Variants in NXF1 observed in about 807,000 individuals in gnomAD.
NXF1 encodes the protein mRNA export factor TAP.
In NXF1, 43 loss-of-function variants were observed where a neutral mutation model predicts 92.4. The observed-to-expected ratio is 0.47, with a 90% CI of 0.36 to 0.60. The LOEUF (loss-of-function observed/expected upper bound fraction) is 0.60. Ranked by LOEUF, NXF1 falls within the 20% of genes least tolerant of loss-of-function variation. The probability of loss-of-function intolerance (pLI) is 0.00; values close to 1 mark genes in which losing one functional copy is unlikely to be tolerated. For synonymous variants in NXF1, 288 were observed against 292.2 expected, an observed-to-expected ratio of 0.99 and a Z score of 0.15; for missense variants, 576 against 793.0, an observed-to-expected ratio of 0.73 and a Z score of 3.29.
intron 10 of NXF1, chr11:62,799,437 G>A (rs757757070): frequency 1.2e-4 from 114 of 985,600 alleles, no homozygotes; most frequent in Non-Finnish European, 1.4e-4. Flanking sequence ...AGGTGTGAGG[G>A]TTCAGGCCCC....
intron 9 of NXF1, 87 bp from the exon 10 acceptor site, chr11:62,800,573 C>A: frequency 2.7e-6 from 2 of 750,500 alleles, no homozygotes; most frequent in Non-Finnish European, 4.3e-6. Context: ...ACGCTTAGCT[C>A]TGAGATCTTT....
chr11:62,798,693 A>C, intron 10 of NXF1, 118 bp from the exon 11 acceptor site: 10 of 1,516,152 alleles, frequency 6.6e-6, no homozygotes, highest in South Asian at 3.9e-5. Flanking sequence ...TCATCCCTCC[A>C]CTCCCTCCCA....
chr11:62,800,608 T>C, intron 9 of NXF1, 122 bp from the exon 10 acceptor site: 1 of 388,054 alleles, frequency 2.6e-6, no homozygotes, highest in South Asian at 5.6e-5. Flanking sequence ...ATTTTTTCTT[T>C]TTTTTTTTTT....
In NXF1 at chr11:62,796,451, G is replaced by C. The variant is rs1565198352; in HGVS notation, c.1286+9C>G. On this transcript the variant is annotated intron_variant, in intron 14 of 20. Coordinates refer to ENST00000294172, the MANE Select transcript of NXF1 (RefSeq NM_006362.5). ...TGGTCCCGGGCAGATTCTGGGATGT[G>C]ATACTAACCGGGCAGGGTTCTGAGG... 8.1e-6 allele frequency: 13 copies of C among 1,613,768 alleles called. No individual in the cohort carries two copies. The highest frequency in any genetic ancestry group is 1.1e-5 in the Non-Finnish European group (13 of 1,179,654).
At position 62,802,073 on chromosome 11, in the gene NXF1, C is replaced by T. The variant is rs374951512; in HGVS notation, c.454-27G>A. ...TACAAGAGGAAACAGGAGCATTACA[C>T]TGGGAGTCCAGAGCCCTTGGGGAGG... On this transcript the variant is annotated intron_variant, in intron 4 of 20. Coordinates refer to ENST00000294172, the MANE Select transcript of NXF1 (RefSeq NM_006362.5). The T allele has an allele frequency of 9.9e-6, 16 of 1,611,658 alleles. No individual in the cohort carries two copies. The African/African-American group carries it at 1.7e-4, about 17-fold the overall frequency.
chr11:62,801,017 C>A, intron 9 of NXF1, 77 bp downstream of exon 9: 1 of 1,089,552 alleles, frequency 9.2e-7, no homozygotes, highest in Non-Finnish European at 1.4e-6. Context: ...TCTCTCTTGC[C>A]TCTTGCCATC....
chr11:62,798,268 AAAT>A (rs757582944), intron 11 of NXF1, among the ~76,000 whole-genome samples: 29 of 151,724 alleles, frequency 1.9e-4, no homozygotes, highest in Non-Finnish European at 3.1e-4. Flanking sequence ...TCTCTACTAA[AAAT>A]ACAAAAATTA....
At chr11:62,800,033 C>T in intron 10 of NXF1, 1 of 1,063,616 alleles carries the variant, frequency 9.4e-7, no homozygotes, top group Non-Finnish European at 1.1e-6. Context: ...GCAACCCCAT[C>T]TATAGGGTAT....
In NXF1 at chr11:62,801,763, C is replaced by T; in HGVS notation, c.615G>A (p.Lys205=). ...CCTTTAGCTGTTCTACTTGTTCTGG[C>T]TTCAGTTCATTCAGTATAGTGTGGG... The part of the protein sequence containing the change: ...APPHTILNEL[K]PEQVEQLKLI... The change falls in exon 6 of 21, where the codon AAG becomes AAA. Residue 205 remains lysine, a synonymous_variant. Coordinates refer to ENST00000294172, the MANE Select transcript of NXF1 (RefSeq NM_006362.5). 1 of 1,613,942 alleles carries T rather than the reference C, an allele frequency of 6.2e-7. No homozygotes were observed. The highest frequency in any genetic ancestry group is 8.5e-7 in the Non-Finnish European group (1 of 1,179,912).
chr11:62,801,232 C>A, intron 8 of NXF1, 31 bp from the exon 9 acceptor site: 2 of 1,608,010 alleles, frequency 1.2e-6, no homozygotes, highest in Non-Finnish European at 1.7e-6. Context: ...AGAGGAGGCA[C>A]CACCAGCAAG....
intron 19 of NXF1, among the ~76,000 whole-genome samples, chr11:62,793,616 G>A (rs1590948299): frequency 6.6e-6 from 1 of 151,958 alleles, no homozygotes; most frequent in East Asian, 1.9e-4. Context: ...AGTTGAGGCT[G>A]CAGTGAACTG....
Position 62,798,391 on chromosome 11 carries a change from G to GC in NXF1, c.1053+147dup, listed in dbSNP as rs1313169756. 5.9e-6 allele frequency: 7 copies of GC among 1,186,844 alleles called. No individual in the cohort carries two copies. The African/African-American group carries it at 1.1e-4, about 19-fold the overall frequency. The allele number at this position is 1,186,844 out of a possible 1,614,324, so 73.5% of individuals were successfully genotyped here. On this transcript the variant is annotated intron_variant, in intron 11 of 20. Transcript: ENST00000294172. ...AGAGGTTGCGGTGAGCTGAAATCAT[G>GC]CTGTTGCACTCCAGCCTGGGCGACG...
rs1171866037 is a variant in NXF1, at chr11:62,802,056, G to A, written c.454-10C>T. 5.0e-6 allele frequency: 8 copies of A among 1,613,420 alleles called. No homozygotes were observed. Among genetic ancestry groups the A allele is most frequent in the Non-Finnish European group, 6.8e-6 (8 of 1,179,300 alleles). On this transcript the variant is annotated splice_polypyrimidine_tract_variant and intron_variant, in intron 4 of 20. Transcript: ENST00000294172. ...TATTCTCATAGTGAAACTACAAGAGGAAACAGGAGCATTACACTGGGAGTC... is the reference window on the plus strand; with the variant it reads ...TATTCTCATAGTGAAACTACAAGAGAAAACAGGAGCATTACACTGGGAGTC...
Position 62,795,193 on chromosome 11 carries a change from T to A in NXF1, c.1505-186A>T. The A allele has an allele frequency of 5.3e-6, 3 of 566,900 alleles. No homozygotes were observed. In the South Asian group the frequency reaches 6.7e-5, roughly 13 times the overall value. The allele number at this position is 566,900 out of a possible 1,614,324, so 35.1% of individuals were successfully genotyped here. On this transcript the variant is annotated intron_variant, in intron 17 of 20. Coordinates refer to ENST00000294172, the MANE Select transcript of NXF1 (RefSeq NM_006362.5). ...GGTCAGAAAGGACAATAGTAATAAC[T>A]ACGGCCGGGCACAGTGTCTCATGCG...
intron 11 of NXF1, among the ~76,000 whole-genome samples, chr11:62,797,875 C>A (rs796650057): frequency 4.6e-5 from 7 of 152,188 alleles, no homozygotes; most frequent in African/African-American, 1.4e-4. Context: ...CACCTGTAAT[C>A]CCAGCACACT....
chr11:62,801,742 T>A lies in NXF1; in HGVS notation c.636A>T (p.Leu212=). 3.7e-6 allele frequency: 6 copies of A among 1,613,634 alleles called. No individual in the cohort carries two copies. Among genetic ancestry groups the A allele is most frequent in the Non-Finnish European group, 5.1e-6 (6 of 1,179,500 alleles). The change falls in exon 6 of 21, where the codon CTA becomes CTT. Residue 212 remains leucine, a synonymous_variant. Coordinates refer to ENST00000294172, the MANE Select transcript of NXF1 (RefSeq NM_006362.5). ...NELKPEQVEQ[L]KLIMSKRYDG... The stretch of plus-strand genomic sequence containing the variant: ...ATCTAATTTGAGCCTGCCTCACCTT[T>A]AGCTGTTCTACTTGTTCTGGCTTCA...
At chr11:62,798,464 A>G in intron 11 of NXF1, 75 bp downstream of exon 11, 1 of 1,560,470 alleles carries the variant, frequency 6.4e-7, no homozygotes, top group Non-Finnish European at 8.6e-7. Context: ...AAAGAAAAAG[A>G]AAAAGAAACC....
intron 17 of NXF1, among the ~76,000 whole-genome samples, chr11:62,795,652 G>A (rs1168630920): frequency 2.0e-5 from 3 of 152,086 alleles, no homozygotes; most frequent in Non-Finnish European, 2.9e-5. Context: ...CCACAGCCCC[G>A]CACAACCAAA....
At chr11:62,793,811 GTC>G (rs1480637880) in intron 19 of NXF1, among the ~76,000 whole-genome samples, 1 of 120,852 alleles carries the variant, frequency 8.3e-6, no homozygotes, top group African/African-American at 3.3e-5. Flanking sequence ...ATGAAAGCCC[GTC>G]TCTACTAAAA....
Sources: gnomAD v4.1 joint callset for allele counts (sites outside exome capture counted in the v4.1 genomes callset) on GRCh38, gnomAD v4.1.1 for gene constraint, MANE v1.5 for transcripts, NCBI Gene and HGNC (gene_info 2026-07-23, HGNC 2026-07-21) for gene names.